The following MAPT variants were observed in gnomAD, a reference collection of about 807,000 sequenced individuals.
MAPT encodes microtubule associated protein tau.
In MAPT, 34 loss-of-function variants were observed where a neutral mutation model predicts 67.9. That is an observed-to-expected ratio of 0.50 (90% CI 0.38 to 0.67). The LOEUF (loss-of-function observed/expected upper bound fraction) is 0.67. MAPT is among the 30% of genes least tolerant of loss of function. MAPT has a pLI of 0.00. For synonymous variants in MAPT, 456 were observed against 464.5 expected (o/e 0.98, Z 0.23); for missense variants, 881 against 1,115.2 (o/e 0.79, Z 2.99).
In MAPT at chr17:46,010,808, A is replaced by C. The variant is rs2075774297; in HGVS notation, c.2091+406A>C. On this transcript the variant is annotated intron_variant, in intron 10 of 12. Transcript: ENST00000262410. This position sits in a 1 kb window ranked among gnomAD's most constrained non-coding sequence, Gnocchi z 4.7. ...GTTGGGCTGAAGGTGGTGGCACCTG[A>C]GACTGGGCTGCCGCCTCCTCCCCCG... is the stretch of plus-strand genomic sequence containing the variant. Among the ~76,000 whole-genome samples, 1 of 152,178 alleles carries C rather than the reference A, an allele frequency of 6.6e-6. No homozygotes were observed. Among genetic ancestry groups the C allele is most frequent in the Admixed American group, 6.5e-5 (1 of 15,278 alleles).
intron 1 of MAPT, chr17:45,932,020 T>C (rs1194226791): frequency 6.6e-6 from 1 of 151,782 alleles, no homozygotes; most frequent in Non-Finnish European, 1.5e-5. Flanking sequence ...GGGACAGAGG[T>C]TGCAGTGAGG....
At chr17:45,948,199 T>A (rs1205277616) in intron 1 of MAPT, among the ~76,000 whole-genome samples, 1 of 151,984 alleles carries the variant, frequency 6.6e-6, no homozygotes, top group East Asian at 1.9e-4. Flanking sequence ...AGAGACAGGG[T>A]TTCTCAATGT....
chr17:45,995,085 G>A lies in MAPT; in HGVS notation c.1733-1314G>A, dbSNP rs2145814285. ...ACAAAAAAACAAAACAACAACAAAA[G>A]AAAACTAGTGCTTATTCGTCACTGG... On this transcript the variant is annotated intron_variant, in intron 8 of 12. Transcript: ENST00000262410. This position sits in a 1 kb window ranked among gnomAD's most constrained non-coding sequence, Gnocchi z 4.3. 6.6e-6 allele frequency among the ~76,000 whole-genome samples: 1 copy of A among 152,160 alleles called. No homozygotes were observed. Among genetic ancestry groups the A allele is most frequent in the South Asian group, 2.1e-4 (1 of 4,820 alleles).
chr17:45,901,905 G>A (rs2063634828), intron 1 of MAPT, among the ~76,000 whole-genome samples: 1 of 145,782 alleles, frequency 6.9e-6, no homozygotes, highest in Admixed American at 7.0e-5. Context: ...GAATCCTTCA[G>A]GGATTTTACT....
rs1296018398 is a variant in MAPT at position 46,010,598 on chromosome 17, C to T, written c.2091+196C>T. On this transcript the variant is annotated intron_variant, in intron 10 of 12. Transcript: ENST00000262410. This position sits in a 1 kb window ranked among gnomAD's most constrained non-coding sequence, Gnocchi z 4.7. ...GTCCACTGTTCCCAGAAGCCCCTTCCTCATATTCTAGGAGGGGGTGTCCCA... is the reference window on the plus strand; with the variant it reads ...GTCCACTGTTCCCAGAAGCCCCTTCTTCATATTCTAGGAGGGGGTGTCCCA... 6.6e-6 allele frequency among the ~76,000 whole-genome samples: 1 copy of T among 152,194 alleles called. No individual in the cohort carries two copies. Among genetic ancestry groups the T allele is most frequent in the Admixed American group, 6.5e-5 (1 of 15,284 alleles).
intron 1 of MAPT, chr17:45,908,414 C>T (rs753205148): frequency 1.3e-5 from 2 of 152,120 alleles, no homozygotes; most frequent in Admixed American, 6.5e-5. Flanking sequence ...AAAAGTGGGG[C>T]GGTTTCCCTG....
intron 1 of MAPT, among the ~76,000 whole-genome samples, chr17:45,912,006 G>A (rs1453201347): frequency 6.6e-6 from 1 of 152,192 alleles, no homozygotes; most frequent in Non-Finnish European, 1.5e-5. Flanking sequence ...GAATGCCACT[G>A]TAAACTATAA....
chr17:45,928,593 T>A lies in MAPT; in HGVS notation c.-17-33728T>A, dbSNP rs184068300. Among the ~76,000 whole-genome samples, 4 of 152,288 alleles carry A rather than the reference T, an allele frequency of 2.6e-5. No homozygotes were observed. The East Asian group carries it at 7.7e-4, about 29-fold the overall frequency. ...ACATTAGAATCACCTGAGGAGCTTT[T>A]AAAGCCACAATGCAAGACTCCACCC... On this transcript the variant is annotated intron_variant, in intron 1 of 12. Transcript: ENST00000262410.
chr17:46,012,590 T>C (rs564058764), intron 10 of MAPT, among the ~76,000 whole-genome samples: 1 of 152,190 alleles, frequency 6.6e-6, no homozygotes, highest in African/African-American at 2.4e-5. Context: ...AGGCTGGCCC[T>C]GCTCCTTCTC....
Position 45,983,409 on chromosome 17 carries a change from C to A in MAPT, c.830C>A (p.Pro277Gln), listed in dbSNP as rs63750417. ...GGAGACCTGCACCAGGAGGGGCCGCCGCTGAAGGGGGCAGGGGGCAAAGAG... is the reference window on the plus strand; with the variant it reads ...GGAGACCTGCACCAGGAGGGGCCGCAGCTGAAGGGGGCAGGGGGCAAAGAG... ...LLGDLHQEGPPLKGAGGKERP... is the reference protein window; with the variant it reads ...LLGDLHQEGPQLKGAGGKERP... Residue 277 changes from proline (P) to glutamine (Q), a missense_variant, in exon 5 of 13, where the codon CCG (proline) becomes CAG (glutamine). Physicochemically the swap from Pro to Gln is moderately conservative, Grantham distance 76. Coordinates refer to ENST00000262410, the MANE Select transcript of MAPT (RefSeq NM_001377265.1). 10 of 1,606,260 alleles carry A rather than the reference C, an allele frequency of 6.2e-6. No individual in the cohort carries two copies. In the South Asian group the frequency reaches 1.1e-4, roughly 18 times the overall value.
chr17:45,922,166 C>T (rs2065799756), intron 1 of MAPT, among the ~76,000 whole-genome samples: 1 of 152,064 alleles, frequency 6.6e-6, no homozygotes. Context: ...GCATGCAGCA[C>T]CACACCTGGC....
chr17:46,010,426 G>A lies in MAPT; in HGVS notation c.2091+24G>A. On this transcript the variant is annotated intron_variant, in intron 10 of 12. Transcript: ENST00000262410. The surrounding 1 kb of genome is among the most constrained non-coding windows in gnomAD (Gnocchi z 4.7). ...GTGTGAGTACCTTCACACGTCCCAT[G>A]CGCCGTGCTGTGGCTTGAATTATTA... 1 of 1,492,134 alleles carries A rather than the reference G, an allele frequency of 6.7e-7. No individual in the cohort carries two copies. The highest frequency in any genetic ancestry group is 9.2e-7 in the Non-Finnish European group (1 of 1,089,834). 92.4% of individuals were successfully genotyped at this position (1,492,134 alleles called of 1,614,324 possible).
At chr17:45,920,216 G>A (rs2065566783) in intron 1 of MAPT, among the ~76,000 whole-genome samples, 1 of 152,160 alleles carries the variant, frequency 6.6e-6, no homozygotes, top group South Asian at 2.1e-4. Context: ...GGATGGATTT[G>A]GTTTCCCCCG....
At chr17:45,980,970 T>C (rs1029415378) in intron 4 of MAPT, among the ~76,000 whole-genome samples, 1 of 152,216 alleles carries the variant, frequency 6.6e-6, no homozygotes, top group Admixed American at 6.5e-5. Flanking sequence ...GATCCATTGA[T>C]TTAACCACCT....
intron 1 of MAPT, among the ~76,000 whole-genome samples, chr17:45,948,668 T>A (rs1384884690): frequency 1.3e-5 from 2 of 152,238 alleles, no homozygotes; most frequent in Admixed American, 6.5e-5. Context: ...CTGTGTGACC[T>A]TGGGCAACTT....
intron 9 of MAPT, chr17:45,999,256 G>T: frequency 6.2e-7 from 1 of 1,606,710 alleles, no homozygotes; most frequent in Non-Finnish European, 8.5e-7. Flanking sequence ...CTGAGCATGT[G>T]TCTGCTGCTC....
chr17:45,994,550 C>T (rs574073185), intron 8 of MAPT, among the ~76,000 whole-genome samples: 5 of 152,258 alleles, frequency 3.3e-5, no homozygotes, highest in East Asian at 1.9e-4. Flanking sequence ...CCGCAGGGCA[C>T]GGTGGCTCAC....
chr17:45,902,231 T>G (rs2143803366), intron 1 of MAPT, among the ~76,000 whole-genome samples: 1 of 152,180 alleles, frequency 6.6e-6, no homozygotes, highest in Admixed American at 6.5e-5. Context: ...ACCATAATGC[T>G]CGGCTGATTT....
At chr17:46,014,495 G>A (rs1246236157) in intron 11 of MAPT, among the ~76,000 whole-genome samples, 171 bp downstream of exon 11, 3 of 152,236 alleles carry the variant, frequency 2.0e-5, no homozygotes, top group Non-Finnish European at 1.5e-5. Flanking sequence ...GAGGCGTGGT[G>A]GCTCCAGCTC....
Sources: gnomAD v4.1 joint callset for allele counts (sites outside exome capture counted in the v4.1 genomes callset) on GRCh38, gnomAD v4.1.1 for gene constraint, Gnocchi (gnomAD v3.1) non-coding constraint, MANE v1.5 for transcripts, NCBI Gene and HGNC (gene_info 2026-07-23, HGNC 2026-07-21) for gene names.